Variants in BBS5 observed in about 807,000 individuals in gnomAD.
BBS5 encodes the protein BBSome complex member BBS5.
A neutral mutation model predicts 50.2 loss-of-function variants in BBS5; 39 were observed. The ratio of observed to expected loss-of-function variants is 0.78; its 90% CI spans 0.60 to 1.01. The LOEUF (loss-of-function observed/expected upper bound fraction) is 1.01, where lower values mean the gene tolerates loss of function less well. Among genes scored for constraint, BBS5 ranks in the 50% least tolerant of loss-of-function variants. The pLI, the probability that BBS5 is intolerant of heterozygous loss-of-function variation, is 0.00. For missense variants in BBS5, 356 were observed against 401.5 expected, an observed-to-expected ratio of 0.89 and a Z score of 0.97; for synonymous variants, 134 against 133.1, an observed-to-expected ratio of 1.01 and a Z score of -0.05.
chr2:169,497,669 G>C lies in BBS5; in HGVS notation c.661G>C (p.Val221Leu). 2.5e-6 allele frequency: 4 copies of C among 1,597,390 alleles called. No homozygotes were observed. Among genetic ancestry groups the C allele is most frequent in the Non-Finnish European group, 3.4e-6 (4 of 1,165,356 alleles). The change falls in exon 8 of 12, where the codon GTC (valine) becomes CTC (leucine). Residue 221 changes from valine (V) to leucine (L), a missense_variant. Physicochemically the swap from Val to Leu is conservative, Grantham distance 32 (BLOSUM62 1). Transcript: ENST00000295240. Reference sequence around the variant, plus strand: ...AGATTCAAAATTTGGTTTAGCTCTTGTCATAGAAAGCTCTCAGCAGGTAAG... The same window carrying C: ...AGATTCAAAATTTGGTTTAGCTCTTCTCATAGAAAGCTCTCAGCAGGTAAG... The part of the protein sequence containing the change: ...IRDSKFGLAL[V>L]IESSQQSGGY...
At chr2:169,480,239 A>C (rs1353019177) in intron 1 of BBS5, among the ~76,000 whole-genome samples, 1 of 152,244 alleles carries the variant, frequency 6.6e-6, no homozygotes, top group Non-Finnish European at 1.5e-5. Flanking sequence ...AAATTATCAT[A>C]CATTAAATAG....
In BBS5 at chr2:169,504,497, CTGTA is replaced by C; in HGVS notation, c.943_946del (p.Val315PhefsTer9). ...CCCAAAAAGCAACAAGATCGTGAACCTGTATTTTCAGAAGAACTGGGGCTTGCAA... is the reference window on the plus strand; with the variant it reads ...CCCAAAAAGCAACAAGATCGTGAACCTTTTCAGAAGAACTGGGGCTTGCAA... On this transcript the variant is annotated frameshift_variant, in exon 12 of 12. Transcript: ENST00000295240. LOFTEE classifies it high-confidence loss of function. The C allele has an allele frequency of 6.2e-7, 1 of 1,613,822 alleles. No homozygotes were observed. The highest frequency in any genetic ancestry group is 1.7e-5 in the Admixed American group (1 of 60,010).
At chr2:169,490,610 T>C (rs1358569460) in intron 5 of BBS5, among the ~76,000 whole-genome samples, 1 of 152,206 alleles carries the variant, frequency 6.6e-6, no homozygotes, top group Non-Finnish European at 1.5e-5. Flanking sequence ...ATTTTATTGA[T>C]GTTTTAGTCT....
intron 10 of BBS5, 52 bp downstream of exon 10, chr2:169,503,230 T>A: frequency 7.1e-7 from 1 of 1,416,220 alleles, no homozygotes; most frequent in Admixed American, 1.8e-5. Flanking sequence ...TATCTCAGTC[T>A]TGTTTAATAA....
chr2:169,497,524 G>C (rs1329586957), intron 7 of BBS5, 103 bp from the exon 8 acceptor site: 9 of 735,398 alleles, frequency 1.2e-5, no homozygotes, highest in Non-Finnish European at 1.9e-5. Flanking sequence ...CTGTTCTTTA[G>C]ACTATGAAAA....
At chr2:169,504,227 T>C (rs1409824178) in intron 10 of BBS5, 76 bp from the exon 11 acceptor site, 4 of 1,266,836 alleles carry the variant, frequency 3.2e-6, no homozygotes, top group Non-Finnish European at 3.5e-6. Flanking sequence ...ATTCTGCATA[T>C]TAAGTTCCTT....
chr2:169,498,688 C>T (rs1281377137), intron 8 of BBS5, among the ~76,000 whole-genome samples: 6 of 151,788 alleles, frequency 4.0e-5, no homozygotes, highest in African/African-American at 1.5e-4. Context: ...ACCTGTAGTC[C>T]CAGCTACTCC....
Position 169,504,676 on chromosome 2 carries a change from A to G in BBS5, c.*94A>G, listed in dbSNP as rs972786491. ...AAGTCATGGAATAGTTTTTATATTT[A>G]CAGCTTTTATATTTAAAACTTGTAA... On this transcript the variant is annotated 3_prime_UTR_variant, in exon 12 of 12. Coordinates refer to ENST00000295240, the MANE Select transcript of BBS5 (RefSeq NM_152384.3). The G allele has an allele frequency of 1.7e-6, 2 of 1,187,662 alleles. No individual in the cohort carries two copies. The highest frequency in any genetic ancestry group is 3.1e-5 in the African/African-American group (2 of 65,024). The allele number at this position is 1,187,662 out of a possible 1,614,324, so 73.6% of individuals were successfully genotyped here. A position where few individuals can be genotyped will look rare whatever the true frequency, so the allele number is the denominator to read the frequency against.
rs1396982781 is a variant in BBS5 at position 169,499,659 on chromosome 2, T to G, written c.816+39T>G. The G allele has an allele frequency of 1.9e-6, 3 of 1,599,042 alleles. No individual in the cohort carries two copies. The African/African-American group carries it at 4.0e-5, about 21-fold the overall frequency. On this transcript the variant is annotated intron_variant, in intron 9 of 11. Coordinates refer to ENST00000295240, the MANE Select transcript of BBS5 (RefSeq NM_152384.3). ...TATGTGAAATAAAGTTTGCATTGCT[T>G]TATGCAGTCTATAAAATTCAGATGT...
chr2:169,499,687 A>T lies in BBS5; in HGVS notation c.816+67A>T, dbSNP rs986048279. 4.8e-6 allele frequency: 7 copies of T among 1,473,250 alleles called. No homozygotes were observed. The African/African-American group carries it at 6.9e-5, about 15-fold the overall frequency. 91.3% of individuals were successfully genotyped at this position (1,473,250 alleles called of 1,614,324 possible). A position where few individuals can be genotyped will look rare whatever the true frequency, so the allele number is the denominator to read the frequency against. On this transcript the variant is annotated intron_variant, in intron 9 of 11. Transcript: ENST00000295240. ...TGCAGTCTATAAAATTCAGATGTAG[A>T]TACCACTGTGCACCATTTAATTTTG...
chr2:169,489,095 G>A (rs1455526228), intron 5 of BBS5, among the ~76,000 whole-genome samples: 1 of 152,026 alleles, frequency 6.6e-6, no homozygotes, highest in Non-Finnish European at 1.5e-5. Context: ...GAGCTCAAAT[G>A]ATCTTCCTGT....
chr2:169,505,103 C>G lies in BBS5; in HGVS notation c.*521C>G, dbSNP rs537260804. 7.2e-6 allele frequency: 7 copies of G among 977,828 alleles called. No homozygotes were observed. Among genetic ancestry groups the G allele is most frequent in the Non-Finnish European group, 1.1e-5 (7 of 630,388 alleles). 60.6% of individuals were successfully genotyped at this position (977,828 alleles called of 1,614,324 possible). A position where few individuals can be genotyped will look rare whatever the true frequency, so the allele number is the denominator to read the frequency against. On this transcript the variant is annotated 3_prime_UTR_variant, in exon 12 of 12. Coordinates refer to ENST00000295240, the MANE Select transcript of BBS5 (RefSeq NM_152384.3). ...CCGAGTGCCTGCGATTACAGGCGCG[C>G]GCCGCCACACCTGACTGGTTTTCGT...
chr2:169,485,921 A>G (rs897845877), intron 2 of BBS5, among the ~76,000 whole-genome samples: 1 of 152,200 alleles, frequency 6.6e-6, no homozygotes, highest in Non-Finnish European at 1.5e-5. Context: ...GATTTCATGA[A>G]CTGCTGCTCC....
chr2:169,501,065 A>G (rs551538020), intron 9 of BBS5, among the ~76,000 whole-genome samples: 1 of 152,188 alleles, frequency 6.6e-6, no homozygotes, highest in Non-Finnish European at 1.5e-5. Flanking sequence ...TATCTTAGTA[A>G]TTTAAATAAT....
chr2:169,487,127 C>T lies in BBS5; in HGVS notation c.201C>T (p.Val67=). The T allele has an allele frequency of 1.9e-6, 3 of 1,607,140 alleles. No homozygotes were observed. Among genetic ancestry groups the T allele is most frequent in the Non-Finnish European group, 2.6e-6 (3 of 1,174,366 alleles). ...ILWHSLALSR[V]NVSVGYNCIL... ...GGCACTCTTTGGCATTATCAAGAGT[C>T]AATGTTTGTAAGTATCTTTGTTAGA... The change falls in exon 3 of 12, where the codon GTC becomes GTT. Residue 67 remains valine, a synonymous_variant. Transcript: ENST00000295240.
Position 169,487,063 on chromosome 2 carries a change from T to G in BBS5, c.143-6T>G. ...GTTAACCTATTTTTTGTCTGTGTGC[T>G]TTTAGGTAGACTCTTGGTAACAAAT... On this transcript the variant is annotated splice_region_variant and splice_polypyrimidine_tract_variant and intron_variant, in intron 2 of 11. Coordinates refer to ENST00000295240, the MANE Select transcript of BBS5 (RefSeq NM_152384.3). 6.2e-7 allele frequency: 1 copy of G among 1,606,602 alleles called. No homozygotes were observed. Among genetic ancestry groups the G allele is most frequent in the Non-Finnish European group, 8.5e-7 (1 of 1,173,518 alleles).
chr2:169,493,335 G>T (rs918060079), intron 6 of BBS5, among the ~76,000 whole-genome samples: 5 of 151,870 alleles, frequency 3.3e-5, no homozygotes, highest in African/African-American at 1.2e-4. Flanking sequence ...TATTCATGGG[G>T]ATTATTACAT....
At chr2:169,491,489 G>A (rs1037326668) in intron 5 of BBS5, among the ~76,000 whole-genome samples, 5 of 152,140 alleles carry the variant, frequency 3.3e-5, no homozygotes, top group African/African-American at 1.2e-4. Context: ...TTGTTATTAA[G>A]GCTAAGAAAA....
intron 7 of BBS5, among the ~76,000 whole-genome samples, chr2:169,494,281 G>T (rs1437443118): frequency 6.6e-6 from 1 of 152,148 alleles, no homozygotes; most frequent in East Asian, 1.9e-4. Context: ...AAGCCAGAAG[G>T]AATTTATTAA....
Sources: allele counts gnomAD v4.1 joint callset (sites outside exome capture counted in the v4.1 genomes callset), GRCh38; gene constraint gnomAD v4.1.1; transcripts MANE v1.5; gene names NCBI Gene and HGNC (gene_info 2026-07-23, HGNC 2026-07-21).